The following GRM7 variants were observed in gnomAD, a reference collection of about 807,000 sequenced individuals.
GRM7 encodes metabotropic glutamate receptor 7.
In GRM7, 35 loss-of-function variants were observed where a neutral mutation model predicts 84.5. The ratio of observed to expected loss-of-function variants is 0.41; its 90% CI spans 0.32 to 0.55. GRM7 has a LOEUF of 0.55. GRM7 is among the 20% of genes least tolerant of loss of function. The pLI is 0.19. For missense variants in GRM7, 1,003 were observed against 1,194.6 expected, an observed-to-expected ratio of 0.84 and a Z score of 2.36; for synonymous variants, 487 against 455.1, an observed-to-expected ratio of 1.07 and a Z score of -0.89.
At chr3:7,298,897 C>G in intron 3 of GRM7, 72 bp downstream of exon 3, 1 of 1,338,980 alleles carries the variant, frequency 7.5e-7, no homozygotes, top group Non-Finnish European at 1.1e-6. Flanking sequence ...AGGCTGCTGG[C>G]TGAGACAGGA....
intron 5 of GRM7, among the ~76,000 whole-genome samples, chr3:7,448,346 C>G (rs972096107): frequency 2.0e-5 from 3 of 152,152 alleles, no homozygotes; most frequent in African/African-American, 7.2e-5. Context: ...CAATGGCAAA[C>G]TCTTTCCTTA....
intron 8 of GRM7, among the ~76,000 whole-genome samples, chr3:7,648,723 G>GA (rs1223124918): frequency 6.6e-6 from 1 of 151,966 alleles, no homozygotes; most frequent in African/African-American, 2.4e-5. Context: ...CTAATGTTGT[G>GA]AAAATATCAA....
chr3:7,455,958 A>G (rs999161234), intron 6 of GRM7, among the ~76,000 whole-genome samples: 2 of 152,122 alleles, frequency 1.3e-5, no homozygotes, highest in Non-Finnish European at 2.9e-5. Context: ...ATGAAGAGGC[A>G]CCACATTCAA....
intron 5 of GRM7, 94 bp from the exon 6 acceptor site, chr3:7,452,513 A>G (rs1370880534): frequency 2.3e-6 from 2 of 865,776 alleles, no homozygotes; most frequent in African/African-American, 1.7e-5. Context: ...TTTAAGCATA[A>G]TTGAAAGTTT....
chr3:7,223,356 A>G (rs1047633535), intron 2 of GRM7, among the ~76,000 whole-genome samples: 3 of 151,892 alleles, frequency 2.0e-5, no homozygotes, highest in Non-Finnish European at 2.9e-5. Flanking sequence ...TCTTACTACT[A>G]CAATATTATT....
rs576674898 is a variant in GRM7 at position 7,136,296 on chromosome 3, G to C, written c.520-10156G>C. On this transcript the variant is annotated intron_variant, in intron 1 of 9. Transcript: ENST00000357716. ...GTGGGCCTGGCAGCCTGGTTCCTGA[G>C]GGGAGAGGAGTTAAGGAAAAGGCAG... Among the ~76,000 whole-genome samples the C allele has an allele frequency of 3.5e-5, 5 of 142,574 alleles. No homozygotes were observed. In the South Asian group the frequency reaches 1.1e-3, roughly 31 times the overall value. The allele number at this position is 142,574 out of a possible 152,430, so 93.5% of individuals were successfully genotyped here. A position where few individuals can be genotyped will look rare whatever the true frequency, so the allele number is the denominator to read the frequency against.
At chr3:7,226,074 C>T (rs1696971845) in intron 2 of GRM7, among the ~76,000 whole-genome samples, 1 of 152,086 alleles carries the variant, frequency 6.6e-6, no homozygotes, top group Non-Finnish European at 1.5e-5. Flanking sequence ...TTAATATTTA[C>T]TATATGCCTA....
rs115676318 is a variant in GRM7, at chr3:7,622,562, C to T, written c.2451+43205C>T. Among the ~76,000 whole-genome samples the T allele has an allele frequency of 3.5e-3, 529 of 152,030 alleles. 2 individuals are homozygous for T. The highest frequency in any genetic ancestry group is 0.012 in the African/African-American group (506 of 41,476). On this transcript the variant is annotated intron_variant, in intron 8 of 9. Coordinates refer to ENST00000357716, the MANE Select transcript of GRM7 (RefSeq NM_000844.4). Reference sequence around the variant, plus strand: ...AGTGCCATAAAGGAGAGGCGAGAGGCATGTGACACTGTGGCATAGAGAATA... The same window carrying T: ...AGTGCCATAAAGGAGAGGCGAGAGGTATGTGACACTGTGGCATAGAGAATA...
chr3:7,386,561 T>G (rs1199970887), intron 4 of GRM7, among the ~76,000 whole-genome samples: 1 of 152,196 alleles, frequency 6.6e-6, no homozygotes, highest in Non-Finnish European at 1.5e-5. Flanking sequence ...TCGCTTAGGA[T>G]ACTGGCCTCC....
At chr3:6,876,808 G>T (rs1158373996) in intron 1 of GRM7, among the ~76,000 whole-genome samples, 3 of 151,866 alleles carry the variant, frequency 2.0e-5, no homozygotes, top group Admixed American at 2.0e-4. Context: ...CACTATATTG[G>T]CCAGGCTGGT....
intron 1 of GRM7, among the ~76,000 whole-genome samples, chr3:6,914,895 GC>G (rs1274544332): frequency 6.6e-6 from 1 of 152,074 alleles, no homozygotes; most frequent in Non-Finnish European, 1.5e-5. Flanking sequence ...GACCAGTGTG[GC>G]CCCTATCGTT....
intron 2 of GRM7, among the ~76,000 whole-genome samples, chr3:7,291,537 TC>T (rs1559557365): frequency 1.1e-5 from 1 of 92,706 alleles, no homozygotes; most frequent in Non-Finnish European, 2.5e-5. Flanking sequence ...TCTCTCTCTC[TC>T]TCTCTCTCTC....
chr3:7,535,026 A>C (rs17664643), intron 7 of GRM7, among the ~76,000 whole-genome samples: 13,575 of 152,238 alleles, frequency 0.089, 769 homozygotes, highest in Non-Finnish European at 0.11. Flanking sequence ...TCTTACTGCT[A>C]GAGTATTTGT....
At chr3:7,265,050 C>A (rs1698587601) in intron 2 of GRM7, among the ~76,000 whole-genome samples, 1 of 152,222 alleles carries the variant, frequency 6.6e-6, no homozygotes, top group Non-Finnish European at 1.5e-5. Context: ...TTGTACACCC[C>A]TTAGCAGGCA....
chr3:7,016,984 C>CA (rs1185517794), intron 1 of GRM7, among the ~76,000 whole-genome samples: 1 of 152,158 alleles, frequency 6.6e-6, no homozygotes, highest in Non-Finnish European at 1.5e-5. Context: ...GGAGGGAAAA[C>CA]AGAGTCTTAG....
At chr3:7,002,308 G>T (rs1398107554) in intron 1 of GRM7, among the ~76,000 whole-genome samples, 1 of 152,076 alleles carries the variant, frequency 6.6e-6, no homozygotes, top group East Asian at 1.9e-4. Context: ...TTAGACTTGG[G>T]TTCCTCTACT....
chr3:7,684,031 A>G (rs1300202972), intron 9 of GRM7, among the ~76,000 whole-genome samples: 1 of 152,250 alleles, frequency 6.6e-6, no homozygotes, highest in African/African-American at 2.4e-5. Context: ...AAAAAGTAAC[A>G]TCATAGACAG....
chr3:6,872,866 A>G (rs1695172829), intron 1 of GRM7, among the ~76,000 whole-genome samples: 1 of 152,134 alleles, frequency 6.6e-6, no homozygotes, highest in Admixed American at 6.5e-5. Flanking sequence ...GCTATCATTG[A>G]TGGGCATTTG....
chr3:7,008,081 T>C (rs1168492330), intron 1 of GRM7, among the ~76,000 whole-genome samples: 1 of 151,786 alleles, frequency 6.6e-6, no homozygotes, highest in Non-Finnish European at 1.5e-5. Context: ...ACACTGTTTA[T>C]TTGAATGATG....
Sources: allele counts gnomAD v4.1 joint callset (sites outside exome capture counted in the v4.1 genomes callset), GRCh38; gene constraint gnomAD v4.1.1; transcripts MANE v1.5; gene names NCBI Gene and HGNC (gene_info 2026-07-23, HGNC 2026-07-21).